Variants in NCOA6 observed in about 807,000 individuals in gnomAD.
The protein encoded by NCOA6 is nuclear receptor coactivator 6, also known as NRC RAP250.
Under a neutral mutation model 171.4 loss-of-function variants are expected in NCOA6, and 49 were observed. That is an observed-to-expected ratio of 0.29 (90% CI 0.23 to 0.36). The LOEUF is 0.36. Ranked by LOEUF, NCOA6 falls within the 10% of genes least tolerant of loss-of-function variation. NCOA6 has a pLI of 1.00. For synonymous variants in NCOA6, 910 were observed against 927.5 expected (o/e 0.98, Z 0.34); for missense variants, 2,248 against 2,554.5 (o/e 0.88, Z 2.59).
chr20:34,741,165 A>C lies in NCOA6; in HGVS notation c.5091T>G (p.Val1697=). ...TGTTCTGAGGTATGTGTAAAGGGCCAACAACTGCAACAGAGGGAGGCATCA... is the reference window on the plus strand; with the variant it reads ...TGTTCTGAGGTATGTGTAAAGGGCCCACAACTGCAACAGAGGGAGGCATCA... ...SGLMPPSVAV[V]GPLHIPQNIK... The change falls in exon 11 of 15, where the codon GTT becomes GTG. Residue 1697 remains valine (V), a synonymous_variant. Transcript: ENST00000359003. The C allele has an allele frequency of 6.2e-7, 1 of 1,614,234 alleles. No homozygotes were observed. Among genetic ancestry groups the C allele is most frequent in the Non-Finnish European group, 8.5e-7 (1 of 1,180,042 alleles).
rs747520979 is a variant in NCOA6 at position 34,768,469 on chromosome 20, C to T, written c.509G>A (p.Gly170Asp). ...AATTGAGTGGGAGGTCTTACCTGGA[C>T]CACTTGCCATAGGAAATCCCGCCTC... ...RMEAGFPMAS[G>D]PGIIRMNNPA... The change falls in exon 5 of 15, where the codon GGT (glycine) becomes GAT (aspartate). Residue 170 changes from glycine to aspartate, a missense_variant. Transcript: ENST00000359003. The T allele has an allele frequency of 6.2e-7, 1 of 1,614,076 alleles. No individual in the cohort carries two copies. The highest frequency in any genetic ancestry group is 1.7e-5 in the Admixed American group (1 of 60,002).
intron 7 of NCOA6, among the ~76,000 whole-genome samples, chr20:34,756,394 G>A (rs942507636): frequency 6.6e-6 from 1 of 152,130 alleles, no homozygotes; most frequent in African/African-American, 2.4e-5. Flanking sequence ...AGATGCAAGG[G>A]GTTTTTTCTG....
chr20:34,750,970 T>A (rs959359884), intron 8 of NCOA6, among the ~76,000 whole-genome samples: 4 of 151,526 alleles, frequency 2.6e-5, no homozygotes, highest in Non-Finnish European at 5.9e-5. Context: ...GCCAAGATCA[T>A]GCCATTGCAC....
At chr20:34,758,702 T>G in intron 6 of NCOA6, 103 bp downstream of exon 6, 1 of 1,440,100 alleles carries the variant, frequency 6.9e-7, no homozygotes, top group Non-Finnish European at 9.5e-7. Flanking sequence ...GTTGACATTG[T>G]GAGTTTGGAA....
chr20:34,740,518 C>A lies in NCOA6; in HGVS notation c.5738G>T (p.Ser1913Ile). 6.2e-7 allele frequency: 1 copy of A among 1,614,200 alleles called. No homozygotes were observed. Among genetic ancestry groups the A allele is most frequent in the Non-Finnish European group, 8.5e-7 (1 of 1,180,038 alleles). The change falls in exon 11 of 15, where the codon AGT becomes ATT. Residue 1913 changes from serine (S) to isoleucine (I), a missense_variant. By Grantham distance (142) the Ser-to-Ile change is moderately radical. Coordinates refer to ENST00000359003, the MANE Select transcript of NCOA6 (RefSeq NM_014071.5). ...CAGAGTGGTTACTATCGAGCGTACACTGGTGGGGAGAGCACCGCCAGGTAA... is the reference window on the plus strand; with the variant it reads ...CAGAGTGGTTACTATCGAGCGTACAATGGTGGGGAGAGCACCGCCAGGTAA... ...PSLPGGALPT[S>I]VRSIVTTLVP... is the part of the protein sequence containing the mutation.
chr20:34,785,091 T>TAAATAAAATA (rs958646089), intron 2 of NCOA6, among the ~76,000 whole-genome samples: 1 of 151,618 alleles, frequency 6.6e-6, no homozygotes, highest in African/African-American at 2.4e-5. Context: ...CAAAAATAAA[T>TAAATAAAATA]AAATAAAATA....
chr20:34,804,546 T>C (rs1192016535), intron 1 of NCOA6, among the ~76,000 whole-genome samples: 1 of 151,704 alleles, frequency 6.6e-6, no homozygotes, highest in African/African-American at 2.4e-5. Flanking sequence ...ATTCTGTTGA[T>C]GGTTCAACAA....
intron 1 of NCOA6, among the ~76,000 whole-genome samples, chr20:34,818,935 C>T (rs890684978): frequency 2.6e-5 from 4 of 152,192 alleles, no homozygotes; most frequent in African/African-American, 9.7e-5. Flanking sequence ...AGCTGGCCAG[C>T]TAATTTTCTA....
intron 14 of NCOA6, among the ~76,000 whole-genome samples, chr20:34,719,523 C>T (rs757653730): frequency 1.8e-4 from 28 of 151,718 alleles, no homozygotes; most frequent in Non-Finnish European, 2.9e-4. Flanking sequence ...CCCAGCTATT[C>T]GGGAGGCTGA....
In NCOA6 at chr20:34,749,628, G is replaced by A; in HGVS notation, c.2567C>T (p.Pro856Leu). ...ATTTCCATTGGGAGCTCCACTGAAAGGTGCATTGAAAGACATCCCATGGCC... is the reference window on the plus strand; with the variant it reads ...ATTTCCATTGGGAGCTCCACTGAAAAGTGCATTGAAAGACATCCCATGGCC... Reference protein sequence around the residue: ...FSGHGMSFNAPFSGAPNGNQM... With the variant: ...FSGHGMSFNALFSGAPNGNQM... Residue 856 changes from proline (P) to leucine (L), a missense_variant, in exon 9 of 15, where the codon CCT (proline) becomes CTT (leucine). Pro to Leu is a moderately conservative substitution (Grantham distance 98). This residue lies in a region of NCOA6 where 987 missense variants were observed against 1,104.7 expected (regional missense o/e 0.89). Transcript: ENST00000359003. The A allele has an allele frequency of 1.9e-6, 3 of 1,614,204 alleles. No individual in the cohort carries two copies. Among genetic ancestry groups the A allele is most frequent in the Non-Finnish European group, 2.5e-6 (3 of 1,180,036 alleles).
intron 3 of NCOA6, among the ~76,000 whole-genome samples, chr20:34,778,653 CTT>C (rs976150688): frequency 1.3e-5 from 2 of 151,750 alleles, no homozygotes; most frequent in Non-Finnish European, 2.9e-5. Flanking sequence ...GTCTTGATCT[CTT>C]GACCTTGTGA....
At chr20:34,780,211 T>C (rs1432022385) in intron 3 of NCOA6, among the ~76,000 whole-genome samples, 1 of 152,244 alleles carries the variant, frequency 6.6e-6, no homozygotes, top group Non-Finnish European at 1.5e-5. Flanking sequence ...ACACTTGTAA[T>C]ATGCTTGCAG....
intron 4 of NCOA6, among the ~76,000 whole-genome samples, chr20:34,771,390 C>T (rs985861759): frequency 2.0e-5 from 3 of 152,178 alleles, no homozygotes; most frequent in Non-Finnish European, 2.9e-5. Flanking sequence ...TGGCCTCAGC[C>T]TTCCAAAGTG....
intron 5 of NCOA6, among the ~76,000 whole-genome samples, chr20:34,760,017 C>A (rs983719729): frequency 6.6e-6 from 1 of 152,148 alleles, no homozygotes; most frequent in Non-Finnish European, 1.5e-5. Flanking sequence ...GTAGCTCATG[C>A]CTGTAATCCC....
intron 5 of NCOA6, 120 bp from the exon 6 acceptor site, chr20:34,759,053 C>T (rs2076738787): frequency 2.8e-6 from 3 of 1,067,432 alleles, no homozygotes; most frequent in South Asian, 3.1e-5. Context: ...GACAGGGTCT[C>T]GCTCTGTTGC....
chr20:34,809,743 G>A (rs2078589411), intron 1 of NCOA6, among the ~76,000 whole-genome samples: 1 of 152,166 alleles, frequency 6.6e-6, no homozygotes, highest in African/African-American at 2.4e-5. Context: ...AAGGTGGGTG[G>A]ATCACCTGAG....
At chr20:34,777,560 A>G (rs1022348846) in intron 3 of NCOA6, among the ~76,000 whole-genome samples, 11 of 152,016 alleles carry the variant, frequency 7.2e-5, no homozygotes, top group Non-Finnish European at 1.6e-4. Context: ...GGTTGCTGTG[A>G]GCCCAGAATG....
chr20:34,790,332 A>G (rs1261748644), intron 2 of NCOA6, among the ~76,000 whole-genome samples: 2 of 151,988 alleles, frequency 1.3e-5, no homozygotes, highest in African/African-American at 4.8e-5. Context: ...GCATAACTCC[A>G]TTTATTTATT....
chr20:34,727,593 G>A (rs1174633727), intron 13 of NCOA6, among the ~76,000 whole-genome samples, 186 bp from the exon 14 acceptor site: 1 of 152,128 alleles, frequency 6.6e-6, no homozygotes, highest in Non-Finnish European at 1.5e-5. Context: ...GTTTAAAAGT[G>A]AGTCTAGCTT....
Sources: allele counts gnomAD v4.1 joint callset (sites outside exome capture counted in the v4.1 genomes callset), GRCh38; gene constraint gnomAD v4.1.1; regional missense constraint gnomAD v4.1.1; transcripts MANE v1.5; gene names NCBI Gene and HGNC (gene_info 2026-07-23, HGNC 2026-07-21).